Variants in RGS6 observed in about 807,000 individuals in gnomAD.
RGS6 encodes the protein regulator of G-protein signaling 6.
In RGS6, 30 loss-of-function variants were observed where a neutral mutation model predicts 78.5. The observed-to-expected ratio is 0.38, with a 90% CI of 0.29 to 0.52. The LOEUF (loss-of-function observed/expected upper bound fraction) is 0.52, where lower values mean the gene tolerates loss of function less well. Ranked by LOEUF, RGS6 falls within the 20% of genes least tolerant of loss-of-function variation. RGS6 has a pLI of 0.85. For synonymous variants in RGS6, 206 were observed against 206.0 expected (o/e 1.00, Z 0.00); for missense variants, 495 against 609.7 (o/e 0.81, Z 1.98).
At chr14:72,428,567 A>G (rs930039178) in intron 3 of RGS6, among the ~76,000 whole-genome samples, 8 of 152,200 alleles carry the variant, frequency 5.3e-5, no homozygotes, top group African/African-American at 1.9e-4. Flanking sequence ...ACTGGGGTGT[A>G]CAGGCATTCA....
intron 3 of RGS6, among the ~76,000 whole-genome samples, chr14:72,387,944 C>CA (rs571106935): frequency 3.3e-4 from 50 of 152,310 alleles, no homozygotes; most frequent in Non-Finnish European, 6.6e-4. Flanking sequence ...TGTGTGTCTG[C>CA]ATCCAAACTT....
At chr14:72,061,397 G>C (rs2093886486) in intron 2 of RGS6, among the ~76,000 whole-genome samples, 2 of 152,100 alleles carry the variant, frequency 1.3e-5, no homozygotes, top group Admixed American at 6.6e-5. Context: ...CTTACACTCA[G>C]GGAGCTTGTG....
rs1369002955 is a variant in RGS6, at chr14:72,397,388, C to T, written c.184+45194C>T. ...TGTATAAGAATGCTTGTGATTTTTG[C>T]ACATTGATTTTGTATCCTGAGACTT... On this transcript the variant is annotated intron_variant, in intron 3 of 17. Transcript: ENST00000553525. Among the ~76,000 whole-genome samples the T allele has an allele frequency of 3.3e-5, 5 of 151,754 alleles. No individual in the cohort carries two copies. In the East Asian group the frequency reaches 5.8e-4, roughly 18 times the overall value.
At chr14:72,549,754 C>A (rs2097473781) in intron 17 of RGS6, among the ~76,000 whole-genome samples, 1 of 152,072 alleles carries the variant, frequency 6.6e-6, no homozygotes, top group Admixed American at 6.5e-5. Flanking sequence ...CCCAGCTACT[C>A]GGGAGGCTGA....
intron 2 of RGS6, among the ~76,000 whole-genome samples, chr14:72,104,746 G>A (rs980556074): frequency 6.6e-6 from 1 of 152,194 alleles, no homozygotes; most frequent in African/African-American, 2.4e-5. Context: ...TTATAAGATG[G>A]CTGTTTAACT....
Position 72,550,478 on chromosome 14 carries a change from G to A in RGS6, c.1422+10384G>A, listed in dbSNP as rs1383283769. 17 of 1,535,546 alleles carry A rather than the reference G, an allele frequency of 1.1e-5. No individual in the cohort carries two copies. The East Asian group carries it at 3.7e-4, about 33-fold the overall frequency. On this transcript the variant is annotated intron_variant, in intron 17 of 17. Coordinates refer to ENST00000553525, the MANE Select transcript of RGS6 (RefSeq NM_001204424.2). ...AGGAAAAGACAGACTGTCAAGCAAGGACCGAAAGCCTGGCCTTAACATCAT... is the reference window on the plus strand; with the variant it reads ...AGGAAAAGACAGACTGTCAAGCAAGAACCGAAAGCCTGGCCTTAACATCAT...
At position 72,409,461 on chromosome 14, in the gene RGS6, C is replaced by A. The variant is rs559208760; in HGVS notation, c.185-45067C>A. Among the ~76,000 whole-genome samples the A allele has an allele frequency of 9.9e-5, 15 of 152,270 alleles. No homozygotes were observed. In the East Asian group the frequency reaches 2.9e-3, roughly 29 times the overall value. On this transcript the variant is annotated intron_variant, in intron 3 of 17. Coordinates refer to ENST00000553525, the MANE Select transcript of RGS6 (RefSeq NM_001204424.2). ...GGGCTTTGGTTTGCTTACCTAGGAA[C>A]TTAAAGTGCTGGGAATGCTTCGGCT...
At chr14:72,289,911 T>C (rs891324903) in intron 2 of RGS6, among the ~76,000 whole-genome samples, 2 of 152,228 alleles carry the variant, frequency 1.3e-5, no homozygotes, top group African/African-American at 2.4e-5. Context: ...CTGAAAGTTA[T>C]TGGTCTCTCC....
At chr14:71,897,331 C>T in the RGS6 span, among the ~76,000 whole-genome samples, 7 of 152,104 alleles carry the variant, frequency 4.6e-5, no homozygotes, top group African/African-American at 1.4e-4. Flanking sequence ...TTAATCTCTC[C>T]AAGCTTTGAT....
intron 2 of RGS6, among the ~76,000 whole-genome samples, chr14:72,158,141 A>G (rs1271250150): frequency 1.3e-5 from 2 of 152,292 alleles, no homozygotes; most frequent in East Asian, 1.9e-4. Flanking sequence ...ATATTTTCTC[A>G]TAGTTCTGTA....
chr14:72,057,159 C>A (rs913392375), intron 2 of RGS6, among the ~76,000 whole-genome samples: 2 of 151,668 alleles, frequency 1.3e-5, no homozygotes, highest in Non-Finnish European at 1.5e-5. Context: ...ACTAAAAATA[C>A]AAAAATTAGC....
At chr14:72,203,945 C>A (rs999915865) in intron 2 of RGS6, among the ~76,000 whole-genome samples, 70 of 151,974 alleles carry the variant, frequency 4.6e-4, no homozygotes, top group African/African-American at 1.6e-3. Context: ...CTGCCTCAGC[C>A]TCCCAAGTAG....
At chr14:72,427,402 C>T (rs2094472272) in intron 3 of RGS6, among the ~76,000 whole-genome samples, 1 of 152,202 alleles carries the variant, frequency 6.6e-6, no homozygotes. Context: ...AGTCTTGGAA[C>T]ATATCCCTTG....
At chr14:71,886,619 G>A in the RGS6 span, among the ~76,000 whole-genome samples, 14 of 152,198 alleles carry the variant, frequency 9.2e-5, no homozygotes, top group African/African-American at 3.1e-4. Context: ...GAGCCTAGTA[G>A]AAAATGAAAG....
chr14:71,951,401 TGGGGATGG>T (rs983939213), intron 1 of RGS6, among the ~76,000 whole-genome samples: 2 of 151,760 alleles, frequency 1.3e-5, no homozygotes, highest in African/African-American at 4.8e-5. Flanking sequence ...TGAGGCCTGT[TGGGGATGG>T]GGGGATGGGG....
In RGS6 at chr14:72,082,095, T is replaced by G. The variant is rs954876539; in HGVS notation, c.84+117220T>G. Among the ~76,000 whole-genome samples, 6 of 152,152 alleles carry G rather than the reference T, an allele frequency of 3.9e-5. No homozygotes were observed. In the East Asian group the frequency reaches 1.2e-3, roughly 29 times the overall value. ...TTGGAGGATAATGAAATATGAGACA[T>G]GCCAGAGCAGGAGAAGGAAATTCTA... On this transcript the variant is annotated intron_variant, in intron 2 of 17. Transcript: ENST00000553525.
chr14:72,010,771 T>C (rs1371946643), intron 2 of RGS6, among the ~76,000 whole-genome samples: 1 of 152,204 alleles, frequency 6.6e-6, no homozygotes, highest in Non-Finnish European at 1.5e-5. Flanking sequence ...CTGATGAAGT[T>C]CTCTCTGCTT....
At chr14:71,943,357 G>A (rs148820712) in intron 1 of RGS6, among the ~76,000 whole-genome samples, 15 of 152,296 alleles carry the variant, frequency 9.8e-5, no homozygotes, top group African/African-American at 3.1e-4. Flanking sequence ...GCACAGACAC[G>A]TAAGAAGATG....
At chr14:72,381,853 C>T (rs1158849859) in intron 3 of RGS6, among the ~76,000 whole-genome samples, 1 of 151,970 alleles carries the variant, frequency 6.6e-6, no homozygotes, top group Non-Finnish European at 1.5e-5. Flanking sequence ...CTTCTAACTA[C>T]TGGAAAATAA....
Sources: gnomAD v4.1 joint callset for allele counts (sites outside exome capture counted in the v4.1 genomes callset) on GRCh38, gnomAD v4.1.1 for gene constraint, MANE v1.5 for transcripts, NCBI Gene and HGNC (gene_info 2026-07-23, HGNC 2026-07-21) for gene names.